Variants in UBA3 observed in about 807,000 individuals in gnomAD.
UBA3 encodes the protein ubiquitin like modifier activating enzyme 3, also known as NEDD8-activating enzyme E1 catalytic subunit.
A neutral mutation model predicts 73.5 loss-of-function variants in UBA3; 26 were observed. The observed-to-expected ratio is 0.35, with a 90% CI of 0.26 to 0.49. The LOEUF (loss-of-function observed/expected upper bound fraction) is 0.49, where lower values mean the gene tolerates loss of function less well. Ranked by LOEUF, UBA3 falls within the 20% of genes least tolerant of loss-of-function variation. The probability of loss-of-function intolerance (pLI) is 0.98; values close to 1 mark genes in which losing one functional copy is unlikely to be tolerated. For synonymous variants in UBA3, 217 were observed against 191.2 expected (o/e 1.13, Z -1.11); for missense variants, 495 against 555.6 (o/e 0.89, Z 1.10).
At chr3:69,077,060 G>A (rs1204194421) in intron 3 of UBA3, among the ~76,000 whole-genome samples, 1 of 149,568 alleles carries the variant, frequency 6.7e-6, no homozygotes, top group East Asian at 1.9e-4. Flanking sequence ...AAGAAAATAT[G>A]GTGTGTTATC....
intron 2 of UBA3, 37 bp downstream of exon 2, chr3:69,080,075 T>A: frequency 6.3e-7 from 1 of 1,579,882 alleles, no homozygotes; most frequent in Non-Finnish European, 8.6e-7. Context: ...GAGGCGGGGG[T>A]CCCCGGAGAG....
chr3:69,076,814 A>C (rs2092171555), intron 3 of UBA3, among the ~76,000 whole-genome samples: 1 of 148,880 alleles, frequency 6.7e-6, no homozygotes, highest in South Asian at 2.1e-4. Flanking sequence ...GGTGGTCTGG[A>C]ACTCTTGGGC....
At chr3:69,076,165 A>C (rs1469700741) in intron 3 of UBA3, among the ~76,000 whole-genome samples, 1 of 152,196 alleles carries the variant, frequency 6.6e-6, no homozygotes, top group Non-Finnish European at 1.5e-5. Context: ...GACTTCCTAA[A>C]AATATAAAAG....
intron 4 of UBA3, chr3:69,074,971 C>G (rs2092152659): frequency 6.6e-6 from 1 of 152,514 alleles, no homozygotes; most frequent in East Asian, 1.9e-4. Flanking sequence ...ACAAAAACTT[C>G]AGCAACTCAG....
intron 6 of UBA3, 89 bp from the exon 7 acceptor site, chr3:69,064,200 T>G: frequency 2.0e-6 from 2 of 995,840 alleles, no homozygotes; most frequent in African/African-American, 1.7e-5. Flanking sequence ...CTGCATATAT[T>G]TACAACAAGA....
intron 11 of UBA3, among the ~76,000 whole-genome samples, chr3:69,059,457 T>C (rs983297921): frequency 6.6e-6 from 1 of 152,130 alleles, no homozygotes; most frequent in South Asian, 2.1e-4. Flanking sequence ...AAAAATAGAA[T>C]GGTGAATGGC....
At chr3:69,071,468 G>C (rs2092121375) in intron 5 of UBA3, 67 bp downstream of exon 5, 1 of 813,698 alleles carries the variant, frequency 1.2e-6, no homozygotes, top group Non-Finnish European at 1.9e-6. Flanking sequence ...TTATTAAACT[G>C]CAATGTACAA....
chr3:69,069,938 A>G (rs1045887869), intron 5 of UBA3, among the ~76,000 whole-genome samples: 1 of 152,224 alleles, frequency 6.6e-6, no homozygotes, highest in African/African-American at 2.4e-5. Flanking sequence ...AAACAATCAG[A>G]TTGCTCCACC....
rs1030691186 is a variant in UBA3, at chr3:69,056,445, TA to T, written c.1084-163del. ...GCTTTTCATAATAGACCATTTCTTG[TA>T]AATTACTTCGCTATAGAGTTATTTC... On this transcript the variant is annotated intron_variant, in intron 14 of 17. Transcript: ENST00000361055. The T allele has an allele frequency of 9.4e-6, 8 of 852,224 alleles. No homozygotes were observed. The African/African-American group carries it at 1.4e-4, about 15-fold the overall frequency. The allele number at this position is 852,224 out of a possible 1,614,324, so 52.8% of individuals were successfully genotyped here. A position where few individuals can be genotyped will look rare whatever the true frequency, so the allele number is the denominator to read the frequency against.
rs375058747 is a variant in UBA3, at chr3:69,057,261, A to G, written c.959T>C (p.Ile320Thr). ...IPAVASTNAV[I>T]AAVCATEVFK... ...GATGGCCTTTTCTTCCTCACCTGCA[A>G]TGACTGCATTTGTGGAAGCTACTGC... is the stretch of plus-strand genomic sequence containing the variant. The change falls in exon 12 of 18, where the codon ATT becomes ACT. Residue 320 changes from isoleucine (I) to threonine (T), a missense_variant. Ile to Thr is a moderately conservative substitution (Grantham distance 89). Coordinates refer to ENST00000361055, the MANE Select transcript of UBA3 (RefSeq NM_003968.4). 4.3e-6 allele frequency: 7 copies of G among 1,611,076 alleles called. No individual in the cohort carries two copies. Among genetic ancestry groups the G allele is most frequent in the Non-Finnish European group, 5.1e-6 (6 of 1,179,378 alleles).
At chr3:69,073,073 TC>T in intron 4 of UBA3, among the ~76,000 whole-genome samples, 1 of 152,192 alleles carries the variant, frequency 6.6e-6, no homozygotes, top group East Asian at 1.9e-4. Context: ...CCCTCTCTGC[TC>T]TTCCCTTAGT....
intron 6 of UBA3, 108 bp downstream of exon 6, chr3:69,067,819 GC>G (rs2092086273): frequency 1.4e-6 from 1 of 705,420 alleles, no homozygotes; most frequent in Non-Finnish European, 2.3e-6. Context: ...AGTTACTACT[GC>G]TGACTTTTTT....
At position 69,077,133 on chromosome 3, in the gene UBA3, T is replaced by C. The variant is rs375997403; in HGVS notation, c.183+665A>G. ...TTTTTTTTTTTTTTATTTTTAATGCTTTCAGTTCTGCCCAGCATTAAAGGA... is the reference window on the plus strand; with the variant it reads ...TTTTTTTTTTTTTTATTTTTAATGCCTTCAGTTCTGCCCAGCATTAAAGGA... On this transcript the variant is annotated intron_variant, in intron 3 of 17. Coordinates refer to ENST00000361055, the MANE Select transcript of UBA3 (RefSeq NM_003968.4). Among the ~76,000 whole-genome samples, 14 of 151,916 alleles carry C rather than the reference T, an allele frequency of 9.2e-5. 1 individual carries two copies. The South Asian group carries it at 2.7e-3, about 29-fold the overall frequency.
At chr3:69,073,653 T>A (rs1047951281) in intron 4 of UBA3, among the ~76,000 whole-genome samples, 1 of 150,948 alleles carries the variant, frequency 6.6e-6, no homozygotes, top group Non-Finnish European at 1.5e-5. Flanking sequence ...TTTTTTTTTT[T>A]GAGACGGAGT....
chr3:69,064,157 A>T, intron 6 of UBA3, 46 bp from the exon 7 acceptor site: 2 of 1,512,810 alleles, frequency 1.3e-6, no homozygotes, highest in Non-Finnish European at 1.8e-6. Context: ...TTAATTTCTA[A>T]AATGAATTTG....
At chr3:69,075,856 C>T (rs1413924213) in intron 3 of UBA3, among the ~76,000 whole-genome samples, 2 of 151,952 alleles carry the variant, frequency 1.3e-5, no homozygotes, top group African/African-American at 2.4e-5. Context: ...CTCAGCTTCT[C>T]GAGTAGCTGG....
chr3:69,077,013 C>T (rs2107501649), intron 3 of UBA3, among the ~76,000 whole-genome samples: 1 of 150,584 alleles, frequency 6.6e-6, no homozygotes. Flanking sequence ...AAGTAACAAT[C>T]TTAAATTATC....
intron 2 of UBA3, chr3:69,079,841 C>A: frequency 4.2e-6 from 2 of 474,392 alleles, no homozygotes; most frequent in Non-Finnish European, 7.4e-6. Flanking sequence ...AAGGGTCCTT[C>A]CTCAAGACCT....
chr3:69,068,136 C>G, intron 5 of UBA3, 128 bp from the exon 6 acceptor site: 2 of 629,168 alleles, frequency 3.2e-6, no homozygotes, highest in South Asian at 6.8e-5. Context: ...ATATTTTTGC[C>G]TAAGTATTTT....
Sources: allele counts gnomAD v4.1 joint callset (sites outside exome capture counted in the v4.1 genomes callset), GRCh38; gene constraint gnomAD v4.1.1; transcripts MANE v1.5; gene names NCBI Gene and HGNC (gene_info 2026-07-23, HGNC 2026-07-21).